CLIC5: variants seen among roughly 807,000 people sequenced by gnomAD.
The protein encoded by CLIC5 is chloride intracellular channel protein 5.
Under a neutral mutation model 24.7 loss-of-function variants are expected in CLIC5, and 20 were observed. That is an observed-to-expected ratio of 0.81 (90% CI 0.57 to 1.18). CLIC5 has a LOEUF of 1.18. Among genes scored for constraint, CLIC5 ranks in the 50% most tolerant of loss-of-function variants. The pLI is 0.00. For synonymous variants in CLIC5, 159 were observed against 135.6 expected (o/e 1.17, Z -1.20); for missense variants, 341 against 326.1 (o/e 1.05, Z -0.35).
At chr6:46,015,130 C>T (rs1766951661) in intron 1 of CLIC5, among the ~76,000 whole-genome samples, 1 of 152,218 alleles carries the variant, frequency 6.6e-6, no homozygotes, top group Non-Finnish European at 1.5e-5. Context: ...CGGGTCCAGC[C>T]AGGTTTCTGC....
intron 1 of CLIC5, among the ~76,000 whole-genome samples, chr6:46,029,114 C>T (rs996997148): frequency 8.5e-5 from 13 of 152,108 alleles, no homozygotes; most frequent in African/African-American, 7.2e-5. Flanking sequence ...TATACATTTA[C>T]GGTTCTTCCA....
intron 1 of CLIC5, among the ~76,000 whole-genome samples, chr6:46,001,446 C>A (rs1276412592): frequency 6.6e-6 from 1 of 152,162 alleles, no homozygotes; most frequent in African/African-American, 2.4e-5. Flanking sequence ...TGCTGCAAAA[C>A]ACTGCTTAGT....
chr6:46,099,720 A>C, the CLIC5 span, among the ~76,000 whole-genome samples: 1 of 152,214 alleles, frequency 6.6e-6, no homozygotes, highest in East Asian at 1.9e-4. Context: ...AAATTGCAAA[A>C]TGTATACTCT....
rs148619912 is a variant in CLIC5 at position 45,930,152 on chromosome 6, AC to A, written c.406+11394del. 2.9e-3 allele frequency among the ~76,000 whole-genome samples: 434 copies of A among 152,004 alleles called. 1 individual carries two copies. The highest frequency in any genetic ancestry group is 0.01 in the African/African-American group (416 of 41,432). ...CTGTCCCTCACCCTCCTCCCCACCTACCCCCCAGCAGCAGTGGCTTTCATGA... is the reference window on the plus strand; with the variant it reads ...CTGTCCCTCACCCTCCTCCCCACCTACCCCCAGCAGCAGTGGCTTTCATGA... On this transcript the variant is annotated intron_variant, in intron 4 of 5. Coordinates refer to ENST00000339561, the MANE Select transcript of CLIC5 (RefSeq NM_016929.5).
chr6:46,036,084 C>T (rs1189998407), intron 1 of CLIC5, among the ~76,000 whole-genome samples: 1 of 152,016 alleles, frequency 6.6e-6, no homozygotes, highest in Non-Finnish European at 1.5e-5. Flanking sequence ...CCCAAAGGGC[C>T]TCCCCTGCAC....
At chr6:45,923,519 T>C (rs1222328420) in intron 4 of CLIC5, among the ~76,000 whole-genome samples, 1 of 152,238 alleles carries the variant, frequency 6.6e-6, no homozygotes, top group Non-Finnish European at 1.5e-5. Context: ...ATTTGGTGAT[T>C]CTGTGAATAT....
In CLIC5 at chr6:45,900,939, C is replaced by A. The variant is rs1471027406; in HGVS notation, c.*2149G>T. 6.6e-6 allele frequency: 1 copy of A among 152,134 alleles called. No individual in the cohort carries two copies. The highest frequency in any genetic ancestry group is 1.5e-5 in the Non-Finnish European group (1 of 68,022). 9.4% of individuals were successfully genotyped at this position (152,134 alleles called of 1,614,324 possible). Reference sequence around the variant, plus strand: ...ACTTCTCTGGGGTGGAGTGGCCTCACCGGAGGCTTGGTTCTGTTTTCTCTG... The same window carrying A: ...ACTTCTCTGGGGTGGAGTGGCCTCAACGGAGGCTTGGTTCTGTTTTCTCTG... On this transcript the variant is annotated 3_prime_UTR_variant, in exon 6 of 6. Coordinates refer to ENST00000339561, the MANE Select transcript of CLIC5 (RefSeq NM_016929.5).
At chr6:46,126,357 T>C in the CLIC5 span, among the ~76,000 whole-genome samples, 11 of 152,322 alleles carry the variant, frequency 7.2e-5, 1 homozygote, top group East Asian at 1.7e-3. Flanking sequence ...TTTTGAAAAA[T>C]TGAGCACATT....
chr6:46,119,569 C>T, the CLIC5 span, among the ~76,000 whole-genome samples: 2 of 152,210 alleles, frequency 1.3e-5, no homozygotes, highest in Non-Finnish European at 2.9e-5. Flanking sequence ...CTCACTGAGG[C>T]TTGTCGGACA....
chr6:45,984,016 C>A (rs910120151), intron 1 of CLIC5, among the ~76,000 whole-genome samples: 1 of 152,124 alleles, frequency 6.6e-6, no homozygotes, highest in Admixed American at 6.6e-5. Context: ...CTCAGAAAAA[C>A]CATTTTTTGA....
chr6:45,959,133 C>A (rs1378327574), intron 1 of CLIC5, among the ~76,000 whole-genome samples: 1 of 152,198 alleles, frequency 6.6e-6, no homozygotes, highest in African/African-American at 2.4e-5. Context: ...GCACCTATAA[C>A]TTCCTGCAAT....
At chr6:45,885,037 A>G (rs185579830) in intron 6 of CLIC5, among the ~76,000 whole-genome samples, 279 of 147,546 alleles carry the variant, frequency 1.9e-3, no homozygotes, top group Middle Eastern at 3.6e-3. Flanking sequence ...TGAGAGATCT[A>G]ATTGAGAGAC....
At position 45,965,756 on chromosome 6, in the gene CLIC5, T is replaced by C. The variant is rs1180217284; in HGVS notation, c.64-10512A>G. Among the ~76,000 whole-genome samples, 5 of 152,356 alleles carry C rather than the reference T, an allele frequency of 3.3e-5. No individual in the cohort carries two copies. The East Asian group carries it at 5.8e-4, about 18-fold the overall frequency. On this transcript the variant is annotated intron_variant, in intron 1 of 5. Transcript: ENST00000339561. ...TACAGGAAATATGTTTTCCACTTAATGAGGCCACTGTCAAAAGCTTTGCTT... is the reference window on the plus strand; with the variant it reads ...TACAGGAAATATGTTTTCCACTTAACGAGGCCACTGTCAAAAGCTTTGCTT...
chr6:46,015,804 G>T lies in CLIC5; in HGVS notation c.-262C>A. On this transcript the variant is annotated 5_prime_UTR_variant, in exon 1 of 6. Coordinates refer to ENST00000339561, the MANE Select transcript of CLIC5 (RefSeq NM_016929.5). Reference sequence around the variant, plus strand: ...CGGGTTAAGGGAATGACAACAGGTCGTGGGAGCAACAAGTGCCGGGCTGCC... The same window carrying T: ...CGGGTTAAGGGAATGACAACAGGTCTTGGGAGCAACAAGTGCCGGGCTGCC... 8.4e-7 allele frequency: 1 copy of T among 1,194,716 alleles called. No individual in the cohort carries two copies. Among genetic ancestry groups the T allele is most frequent in the Non-Finnish European group, 1.0e-6 (1 of 963,834 alleles). The allele number at this position is 1,194,716 out of a possible 1,614,324, so 74.0% of individuals were successfully genotyped here.
At chr6:46,070,385 TA>T (rs1762560627) in intron 1 of CLIC5, among the ~76,000 whole-genome samples, 1 of 152,012 alleles carries the variant, frequency 6.6e-6, no homozygotes, top group Admixed American at 6.6e-5. Context: ...TTTCAGGATA[TA>T]AAATCAATGT....
At chr6:46,025,873 T>C (rs1767317565) in intron 1 of CLIC5, among the ~76,000 whole-genome samples, 1 of 152,112 alleles carries the variant, frequency 6.6e-6, no homozygotes, top group Non-Finnish European at 1.5e-5. Flanking sequence ...CACTTCCCCC[T>C]TTGTTCTCTC....
At chr6:46,076,937 G>T (rs928410916) in intron 1 of CLIC5, among the ~76,000 whole-genome samples, 17 of 152,060 alleles carry the variant, frequency 1.1e-4, no homozygotes, top group African/African-American at 3.6e-4. Context: ...AAGAAATCGA[G>T]ACCATCCTGA....
chr6:45,917,734 C>T (rs1763086566), intron 4 of CLIC5, among the ~76,000 whole-genome samples: 1 of 152,216 alleles, frequency 6.6e-6, no homozygotes, highest in Non-Finnish European at 1.5e-5. Flanking sequence ...ATTCCTCTGA[C>T]CCTGGCTCAA....
intron 1 of CLIC5, among the ~76,000 whole-genome samples, chr6:46,000,211 C>G (rs1394848441): frequency 6.6e-6 from 1 of 152,176 alleles, no homozygotes; most frequent in African/African-American, 2.4e-5. Flanking sequence ...TTTAGGAAGT[C>G]AAAAGTTACA....
Sources: allele counts gnomAD v4.1 joint callset (sites outside exome capture counted in the v4.1 genomes callset), GRCh38; gene constraint gnomAD v4.1.1; transcripts MANE v1.5; gene names NCBI Gene and HGNC (gene_info 2026-07-23, HGNC 2026-07-21).